The following ADGB variants were observed in gnomAD, a reference collection of about 807,000 sequenced individuals.
The protein encoded by ADGB is calpain-7-like protein.
A neutral mutation model predicts 210.5 loss-of-function variants in ADGB; 172 were observed. That is an observed-to-expected ratio of 0.82 (90% CI 0.72 to 0.93). The LOEUF (loss-of-function observed/expected upper bound fraction) is 0.93. Ranked by LOEUF, ADGB falls within the 40% of genes least tolerant of loss-of-function variation. The pLI, the probability that ADGB is intolerant of heterozygous loss-of-function variation, is 0.00. For missense variants in ADGB, 2,025 were observed against 1,964.8 expected (o/e 1.03, Z -0.58); for synonymous variants, 658 against 662.7 (o/e 0.99, Z 0.11).
At chr6:146,720,667 TAC>T (rs1303582497) in intron 16 of ADGB, among the ~76,000 whole-genome samples, 1 of 152,096 alleles carries the variant, frequency 6.6e-6, no homozygotes, top group East Asian at 1.9e-4. Flanking sequence ...TCAGGAAATT[TAC>T]AGTCATGGTG....
In ADGB at chr6:146,680,230, G is replaced by A. The variant is rs370246155; in HGVS notation, c.1216+3789G>A. Among the ~76,000 whole-genome samples, 10 of 152,188 alleles carry A rather than the reference G, an allele frequency of 6.6e-5. 1 individual carries two copies. The highest frequency in any genetic ancestry group is 2.4e-4 in the African/African-American group (10 of 41,552). On this transcript the variant is annotated intron_variant, in intron 9 of 35. Coordinates refer to ENST00000397944, the MANE Select transcript of ADGB (RefSeq NM_024694.4). ...TACCAGCTGTAGACTGACCTATACCGTGCTCTCAATTACAATTCCCTTTTT... is the reference window on the plus strand; with the variant it reads ...TACCAGCTGTAGACTGACCTATACCATGCTCTCAATTACAATTCCCTTTTT...
At chr6:146,701,893 T>C (rs1051761992) in intron 13 of ADGB, among the ~76,000 whole-genome samples, 7 of 152,016 alleles carry the variant, frequency 4.6e-5, no homozygotes, top group Non-Finnish European at 8.8e-5. Context: ...TAATACCTGC[T>C]GTAATTTCAA....
intron 13 of ADGB, among the ~76,000 whole-genome samples, chr6:146,708,446 T>C (rs1776608329): frequency 6.6e-6 from 1 of 152,136 alleles, no homozygotes; most frequent in Non-Finnish European, 1.5e-5. Flanking sequence ...TTGGGAAAGT[T>C]TTTATCTCCA....
intron 1 of ADGB, among the ~76,000 whole-genome samples, chr6:146,604,389 G>A (rs1038830532): frequency 2.0e-5 from 3 of 151,970 alleles, no homozygotes; most frequent in African/African-American, 7.3e-5. Flanking sequence ...TTAAATCTTC[G>A]CCGTAATACT....
intron 26 of ADGB, among the ~76,000 whole-genome samples, chr6:146,747,406 C>G (rs1777255648): frequency 6.6e-6 from 1 of 152,068 alleles, no homozygotes; most frequent in Admixed American, 6.6e-5. Context: ...TAACCTACTA[C>G]CTAAATTACT....
Position 146,815,223 on chromosome 6 carries a change from G to C in ADGB, c.*6G>C. The C allele has an allele frequency of 6.7e-7, 1 of 1,499,532 alleles. No individual in the cohort carries two copies. The highest frequency in any genetic ancestry group is 8.8e-7 in the Non-Finnish European group (1 of 1,131,568). 92.9% of individuals were successfully genotyped at this position (1,499,532 alleles called of 1,614,324 possible). A position where few individuals can be genotyped will look rare whatever the true frequency, so the allele number is the denominator to read the frequency against. On this transcript the variant is annotated 3_prime_UTR_variant, in exon 36 of 36. Coordinates refer to ENST00000397944, the MANE Select transcript of ADGB (RefSeq NM_024694.4). ...AGAAAGGAAAGAAAAAGTAACCAGGGGATGTCCAATACTACCCTGCTTCTG... is the reference window on the plus strand; with the variant it reads ...AGAAAGGAAAGAAAAAGTAACCAGGCGATGTCCAATACTACCCTGCTTCTG...
At position 146,801,208 on chromosome 6, in the gene ADGB, A is replaced by T; in HGVS notation, c.4563A>T (p.Pro1521=). Residue 1521 remains proline (P), a synonymous_variant, in exon 34 of 36, where the codon CCA becomes CCT. Coordinates refer to ENST00000397944, the MANE Select transcript of ADGB (RefSeq NM_024694.4). ...NIQTGPRTRS[P]TILETSPRLI... is the part of the protein sequence containing the mutation. ...AAACAGGACCTCGTACACGATCTCC[A>T]ACAATTTTGGAAACATCTCCACGAC... is the stretch of plus-strand genomic sequence containing the variant. The T allele has an allele frequency of 2.0e-6, 3 of 1,505,616 alleles. No individual in the cohort carries two copies. The South Asian group carries it at 3.9e-5, about 20-fold the overall frequency. 93.3% of individuals were successfully genotyped at this position (1,505,616 alleles called of 1,614,324 possible).
At position 146,609,225 on chromosome 6, in the gene ADGB, T is replaced by G. The variant is rs140643806; in HGVS notation, c.74+10111T>G. On this transcript the variant is annotated intron_variant, in intron 1 of 35. Coordinates refer to ENST00000397944, the MANE Select transcript of ADGB (RefSeq NM_024694.4). Reference sequence around the variant, plus strand: ...TTCAGTTTTCTATTTGCTTGATAGATCTTTCTCCATCCCTTTACTTTGAGC... The same window carrying G: ...TTCAGTTTTCTATTTGCTTGATAGAGCTTTCTCCATCCCTTTACTTTGAGC... Among the ~76,000 whole-genome samples the G allele has an allele frequency of 4.1e-4, 62 of 152,340 alleles. 1 individual carries two copies. The highest frequency in any genetic ancestry group is 1.4e-3 in the African/African-American group (60 of 41,580).
At chr6:146,643,777 T>C (rs1218905248) in intron 2 of ADGB, among the ~76,000 whole-genome samples, 1 of 151,888 alleles carries the variant, frequency 6.6e-6, no homozygotes, top group African/African-American at 2.4e-5. Flanking sequence ...CAATAAACAG[T>C]TGGTGAACAA....
At chr6:146,616,859 AT>A (rs1269644308) in intron 1 of ADGB, among the ~76,000 whole-genome samples, 1 of 152,058 alleles carries the variant, frequency 6.6e-6, no homozygotes, top group Non-Finnish European at 1.5e-5. Flanking sequence ...TTTGTAATCT[AT>A]TTTGAAGTCA....
chr6:146,679,039 TTGCAGGAGCAA>T (rs1393046028), intron 9 of ADGB, among the ~76,000 whole-genome samples: 1 of 152,178 alleles, frequency 6.6e-6, no homozygotes, highest in Non-Finnish European at 1.5e-5. Flanking sequence ...GCTTGGAGGA[TTGCAGGAGCAA>T]GATGTCTGAA....
At chr6:146,737,129 A>G (rs922445414) in intron 23 of ADGB, among the ~76,000 whole-genome samples, 1 of 152,090 alleles carries the variant, frequency 6.6e-6, no homozygotes, top group African/African-American at 2.4e-5. Flanking sequence ...CTGGTGATGT[A>G]GATTTCAGAG....
intron 5 of ADGB, among the ~76,000 whole-genome samples, chr6:146,661,429 G>T (rs1263846038): frequency 6.6e-6 from 1 of 151,594 alleles, no homozygotes; most frequent in Non-Finnish European, 1.5e-5. Context: ...TGTTGTGCAG[G>T]CTGGTCTTGA....
chr6:146,733,807 G>A, intron 21 of ADGB, 86 bp from the exon 22 acceptor site: 1 of 1,400,032 alleles, frequency 7.1e-7, no homozygotes, highest in Non-Finnish European at 9.8e-7. Context: ...TTTATATGTT[G>A]GAGGGCTTTG....
Position 146,805,032 on chromosome 6 carries a change from A to G in ADGB, c.4818+3021A>G, listed in dbSNP as rs537631632. Among the ~76,000 whole-genome samples the G allele has an allele frequency of 1.4e-4, 22 of 152,366 alleles. No homozygotes were observed. In the South Asian group the frequency reaches 3.7e-3, roughly 26 times the overall value. ...AGGCCTTAGTTCACCAACTCTGGCT[A>G]AAAACAGTAAAACGGTATTTCTCAT... On this transcript the variant is annotated intron_variant, in intron 35 of 35. Coordinates refer to ENST00000397944, the MANE Select transcript of ADGB (RefSeq NM_024694.4).
rs962245951 is a variant in ADGB at position 146,782,182 on chromosome 6, T to A, written c.4025T>A (p.Phe1342Tyr). Residue 1342 changes from phenylalanine to tyrosine, a missense_variant, in exon 30 of 36, where the codon TTT becomes TAT. Transcript: ENST00000397944. Reference sequence around the variant, plus strand: ...GCCAAAGAAAAACAAGCACCTCGCTTTGAGCCTCAGGTGGGTGTGGAATTT... The same window carrying A: ...GCCAAAGAAAAACAAGCACCTCGCTATGAGCCTCAGGTGGGTGTGGAATTT... ...KTAKEKQAPR[F>Y]EPQISTVHPQ... 2 of 1,534,090 alleles carry A rather than the reference T, an allele frequency of 1.3e-6. No homozygotes were observed. The highest frequency in any genetic ancestry group is 2.8e-5 in the African/African-American group (2 of 71,638).
chr6:146,803,443 G>T, intron 35 of ADGB: 1 of 1,607,334 alleles, frequency 6.2e-7, no homozygotes. Context: ...CCTTCCAGGG[G>T]GCTGTTTTTT....
chr6:146,803,705 G>T, intron 35 of ADGB: 1 of 1,119,520 alleles, frequency 8.9e-7, no homozygotes, highest in East Asian at 2.4e-5. Context: ...AGTTTCCGAT[G>T]CCATAATCTC....
chr6:146,750,468 A>G (rs1263570517), intron 26 of ADGB, among the ~76,000 whole-genome samples: 1 of 152,012 alleles, frequency 6.6e-6, no homozygotes, highest in Non-Finnish European at 1.5e-5. Flanking sequence ...TGACGCGGAA[A>G]TATCACTTGA....
Sources: gnomAD v4.1 joint callset for allele counts (sites outside exome capture counted in the v4.1 genomes callset) on GRCh38, gnomAD v4.1.1 for gene constraint, MANE v1.5 for transcripts, NCBI Gene and HGNC (gene_info 2026-07-23, HGNC 2026-07-21) for gene names.